RRN3: variants seen among roughly 807,000 people sequenced by gnomAD.
The protein encoded by RRN3 is RNA polymerase I transcription factor RRN3, also known as RNA polymerase I-specific transcription initiation factor RRN3.
In RRN3, 38 loss-of-function variants were observed where a neutral mutation model predicts 82.3. The observed-to-expected ratio is 0.46, with a 90% CI of 0.36 to 0.61. The LOEUF (loss-of-function observed/expected upper bound fraction) is 0.61, where lower values mean the gene tolerates loss of function less well. Among genes scored for constraint, RRN3 ranks in the 20% least tolerant of loss-of-function variants. The pLI, the probability that RRN3 is intolerant of heterozygous loss-of-function variation, is 0.00. For missense variants in RRN3, 726 were observed against 793.1 expected, an observed-to-expected ratio of 0.92 and a Z score of 1.02; for synonymous variants, 284 against 284.3, an observed-to-expected ratio of 1.00 and a Z score of 0.01.
intron 4 of RRN3, 21 bp from the exon 5 acceptor site, chr16:15,086,279 T>C (rs1238776346): frequency 1.9e-6 from 3 of 1,569,394 alleles, no homozygotes; most frequent in South Asian, 1.2e-5. Flanking sequence ...GGAAGAAAGA[T>C]AAAAGCAGCA....
intron 13 of RRN3, among the ~76,000 whole-genome samples, 182 bp downstream of exon 13, chr16:15,070,939 A>ATG (rs1280662041): frequency 2.6e-5 from 4 of 152,162 alleles, no homozygotes; most frequent in Non-Finnish European, 5.9e-5. Context: ...TTTTATATAT[A>ATG]AAAAAGGAGA....
intron 1 of RRN3, 60 bp from the exon 2 acceptor site, chr16:15,092,674 C>T: frequency 1.8e-6 from 2 of 1,118,538 alleles, no homozygotes; most frequent in South Asian, 2.5e-5. Flanking sequence ...TTATAATAGC[C>T]AACATTTATT....
At chr16:15,083,017 G>GGGAATC (rs1439101335) in intron 8 of RRN3, among the ~76,000 whole-genome samples, 2 of 152,190 alleles carry the variant, frequency 1.3e-5, no homozygotes, top group African/African-American at 2.4e-5. Context: ...AAAAGGCACT[G>GGGAATC]GGAATCCCCA....
rs1161867071 is a variant in RRN3 at position 15,091,391 on chromosome 16, A to C, written c.196-20T>G. On this transcript the variant is annotated intron_variant, in intron 2 of 17. Coordinates refer to ENST00000198767, the MANE Select transcript of RRN3 (RefSeq NM_018427.5). Reference sequence around the variant, plus strand: ...TTCACCCTTAACAAGAAGGGGAAAGAATTAAGTTATGCTTTTGTTTCCTGT... The same window carrying C: ...TTCACCCTTAACAAGAAGGGGAAAGCATTAAGTTATGCTTTTGTTTCCTGT... The C allele has an allele frequency of 5.8e-6, 9 of 1,553,240 alleles. No individual in the cohort carries two copies. The highest frequency in any genetic ancestry group is 2.6e-6 in the Non-Finnish European group (3 of 1,133,624).
At chr16:15,076,811 A>G (rs1239249083) in intron 9 of RRN3, among the ~76,000 whole-genome samples, 161 bp from the exon 10 acceptor site, 1 of 152,194 alleles carries the variant, frequency 6.6e-6, no homozygotes, top group East Asian at 1.9e-4. Context: ...AAGCCTGTAA[A>G]CTGACCTAGG....
chr16:15,092,923 G>A (rs1215892717), intron 1 of RRN3, among the ~76,000 whole-genome samples: 1 of 152,012 alleles, frequency 6.6e-6, no homozygotes, highest in African/African-American at 2.4e-5. Context: ...CGTCTTTTCT[G>A]CTCTTCAAAC....
rs550012927 is a variant in RRN3 at position 15,077,224 on chromosome 16, C to T, written c.766-574G>A. On this transcript the variant is annotated intron_variant, in intron 9 of 17. Coordinates refer to ENST00000198767, the MANE Select transcript of RRN3 (RefSeq NM_018427.5). ...GAACTCCTGACCTCAGGTGATCCAC[C>T]GGCCTCAGCTTCCCAAAGTGCTGGA... Among the ~76,000 whole-genome samples, 123 of 152,034 alleles carry T rather than the reference C, an allele frequency of 8.1e-4. No individual in the cohort carries two copies. The East Asian group carries it at 0.017, about 21-fold the overall frequency.
At chr16:15,068,418 T>C (rs2045072929) in intron 14 of RRN3, 141 bp from the exon 15 acceptor site, 1 of 1,093,288 alleles carries the variant, frequency 9.1e-7, no homozygotes, top group Admixed American at 3.0e-5. Flanking sequence ...TAAAGGTCCA[T>C]GCAGATAGTC....
At position 15,076,559 on chromosome 16, in the gene RRN3, A is replaced by G; in HGVS notation, c.857T>C (p.Met286Thr). Residue 286 changes from methionine (M) to threonine (T), a missense_variant and splice_region_variant, in exon 10 of 18, where the codon ATG (methionine) becomes ACG (threonine). Transcript: ENST00000198767. ...CACTTTCATTAATAAACTGCTAACC[A>G]TATTAAACAATCCTTCCGTGGAATC... is the stretch of plus-strand genomic sequence containing the variant. ...GTDSTEGLFN[M>T]DEDEETEHET... The G allele has an allele frequency of 1.9e-6, 3 of 1,601,826 alleles. No individual in the cohort carries two copies. Among genetic ancestry groups the G allele is most frequent in the South Asian group, 1.1e-5 (1 of 90,864 alleles).
At position 15,094,272 on chromosome 16, in the gene RRN3, T is replaced by C. The variant is rs756873422; in HGVS notation, c.-39A>G. The C allele has an allele frequency of 1.1e-5, 16 of 1,471,628 alleles. No homozygotes were observed. In the South Asian group the frequency reaches 1.3e-4, roughly 12 times the overall value. The allele number at this position is 1,471,628 out of a possible 1,614,324, so 91.2% of individuals were successfully genotyped here. Reference sequence around the variant, plus strand: ...CGCGACCGCTGCGCCTCAGGCCGGATGCCCAGCTCCTTCCAGCCACAGCCT... The same window carrying C: ...CGCGACCGCTGCGCCTCAGGCCGGACGCCCAGCTCCTTCCAGCCACAGCCT... On this transcript the variant is annotated 5_prime_UTR_variant, in exon 1 of 18. Coordinates refer to ENST00000198767, the MANE Select transcript of RRN3 (RefSeq NM_018427.5).
Position 15,073,084 on chromosome 16 carries a change from T to C in RRN3, c.998-4A>G, listed in dbSNP as rs763037172. 4 of 1,602,682 alleles carry C rather than the reference T, an allele frequency of 2.5e-6. No individual in the cohort carries two copies. The South Asian group carries it at 4.5e-5, about 18-fold the overall frequency. On this transcript the variant is annotated splice_region_variant and splice_polypyrimidine_tract_variant and intron_variant, in intron 11 of 17. Coordinates refer to ENST00000198767, the MANE Select transcript of RRN3 (RefSeq NM_018427.5). ...GTTTTGCCGTTATCAACCTTACCTATGGAGAAAATCTGGCATCTCAGTTTT... is the reference window on the plus strand; with the variant it reads ...GTTTTGCCGTTATCAACCTTACCTACGGAGAAAATCTGGCATCTCAGTTTT...
At position 15,061,925 on chromosome 16, in the gene RRN3, C is replaced by A. The variant is rs746747344; in HGVS notation, c.1795-20G>T. On this transcript the variant is annotated intron_variant, in intron 17 of 17. Coordinates refer to ENST00000198767, the MANE Select transcript of RRN3 (RefSeq NM_018427.5). Reference sequence around the variant, plus strand: ...TATGTCCTGCAGAAACATCAGAAATCATCAGTAACATCACCAGTGCTGACT... The same window carrying A: ...TATGTCCTGCAGAAACATCAGAAATAATCAGTAACATCACCAGTGCTGACT... 2 of 1,598,220 alleles carry A rather than the reference C, an allele frequency of 1.3e-6. No individual in the cohort carries two copies. The highest frequency in any genetic ancestry group is 2.2e-5 in the South Asian group (2 of 90,630).
At chr16:15,070,005 A>G (rs1218070378) in intron 14 of RRN3, 65 bp downstream of exon 14, 1 of 1,080,710 alleles carries the variant, frequency 9.3e-7, no homozygotes, top group Non-Finnish European at 1.4e-6. Context: ...AAAGTAATGA[A>G]TCACCATTCT....
intron 9 of RRN3, among the ~76,000 whole-genome samples, chr16:15,078,822 T>C (rs2045573055): frequency 1.3e-5 from 2 of 150,550 alleles, no homozygotes; most frequent in South Asian, 4.2e-4. Context: ...CTTTTTTTTT[T>C]TTTTTTTGAG....
intron 6 of RRN3, 150 bp from the exon 7 acceptor site, chr16:15,084,855 C>T: frequency 1.5e-6 from 1 of 657,828 alleles, no homozygotes; most frequent in Non-Finnish European, 2.8e-6. Context: ...CACCTGAGGT[C>T]AGGAGTTCGA....
intron 14 of RRN3, among the ~76,000 whole-genome samples, chr16:15,068,597 A>G (rs997724300): frequency 6.6e-6 from 1 of 152,208 alleles, no homozygotes; most frequent in Non-Finnish European, 1.5e-5. Context: ...AGAGGGAGAA[A>G]AGACCTTGTG....
chr16:15,064,795 T>C (rs1338783772), intron 16 of RRN3, among the ~76,000 whole-genome samples: 1 of 152,178 alleles, frequency 6.6e-6, no homozygotes, highest in East Asian at 1.9e-4. Flanking sequence ...GAGATGCTCA[T>C]CAACAGCGAG....
rs1189807146 is a variant in RRN3, at chr16:15,094,236, G to C, written c.-3C>G. ...GTGTGAAGCAGCGGTGCCGCCATTG[G>C]GCCGAACTAACGCGACCGCTGCGCC... On this transcript the variant is annotated 5_prime_UTR_variant, in exon 1 of 18. Coordinates refer to ENST00000198767, the MANE Select transcript of RRN3 (RefSeq NM_018427.5). 3 of 1,581,568 alleles carry C rather than the reference G, an allele frequency of 1.9e-6. No homozygotes were observed. Among genetic ancestry groups the C allele is most frequent in the Admixed American group, 1.8e-5 (1 of 54,908 alleles).
intron 10 of RRN3, 100 bp from the exon 11 acceptor site, chr16:15,074,961 A>C: frequency 8.1e-7 from 1 of 1,234,172 alleles, no homozygotes. Context: ...AAAAGATAAA[A>C]CAAAGAGGCT....
Sources: gnomAD v4.1 joint callset for allele counts (sites outside exome capture counted in the v4.1 genomes callset) on GRCh38, gnomAD v4.1.1 for gene constraint, MANE v1.5 for transcripts, NCBI Gene and HGNC (gene_info 2026-07-23, HGNC 2026-07-21) for gene names.